The following CDH23 variants were observed in gnomAD, a reference collection of about 807,000 sequenced individuals.
CDH23 encodes cadherin-23.
A neutral mutation model predicts 317.1 loss-of-function variants in CDH23; 189 were observed. The ratio of observed to expected loss-of-function variants is 0.60; its 90% CI spans 0.53 to 0.67. The LOEUF is 0.67. Among genes scored for constraint, CDH23 ranks in the 30% least tolerant of loss-of-function variants. CDH23 has a pLI of 0.00. For missense variants in CDH23, 4,401 were observed against 4,592.4 expected (o/e 0.96, Z 1.20); for synonymous variants, 1,839 against 1,876.8 (o/e 0.98, Z 0.52).
chr10:71,731,350 T>C (rs1564763259), intron 31 of CDH23, among the ~76,000 whole-genome samples: 1 of 152,112 alleles, frequency 6.6e-6, no homozygotes, highest in Non-Finnish European at 1.5e-5. Flanking sequence ...GTGGCATGCA[T>C]GGGATGGGGT....
intron 14 of CDH23, among the ~76,000 whole-genome samples, chr10:71,666,137 G>A (rs529580803): frequency 1.3e-5 from 2 of 152,118 alleles, no homozygotes; most frequent in South Asian, 2.1e-4. Flanking sequence ...TCCCCATCCT[G>A]TCCTCACTGC....
rs1589429417 is a variant in CDH23, at chr10:71,800,626, C to T, written c.7363-10C>T. On this transcript the variant is annotated splice_polypyrimidine_tract_variant and intron_variant, in intron 52 of 69. Transcript: ENST00000224721. ...GATTGAAGGACCTAAAGCCACCCTC[C>T]CCCTACTAGGGTGACATCTATGTGC... 6.2e-7 allele frequency: 1 copy of T among 1,613,490 alleles called. No homozygotes were observed. Among genetic ancestry groups the T allele is most frequent in the South Asian group, 1.1e-5 (1 of 91,002 alleles).
Position 71,732,355 on chromosome 10 carries a change from T to C in CDH23, c.4084T>C (p.Phe1362Leu). 6.4e-7 allele frequency: 1 copy of C among 1,571,954 alleles called. No homozygotes were observed. The highest frequency in any genetic ancestry group is 8.6e-7 in the Non-Finnish European group (1 of 1,158,176). Residue 1362 changes from phenylalanine (F) to leucine (L), a missense_variant, in exon 32 of 70, where the codon TTC becomes CTC. Around this residue, in one of 3 missense-constraint regions of CDH23, gnomAD observed 3,068 missense variants for 3,203.3 expected, o/e 0.96. Coordinates refer to ENST00000224721, the MANE Select transcript of CDH23 (RefSeq NM_022124.6). ...CACCAGCACCCAGGCCAAAGCCCTC[T>C]TCAAGATAGACGCCATCACGGTGAG... ...AYTSTQAKAL[F>L]KIDAITGVIT... is the part of the protein sequence containing the mutation.
chr10:71,705,605 T>A (rs1450991938), intron 25 of CDH23, among the ~76,000 whole-genome samples: 1 of 152,194 alleles, frequency 6.6e-6, no homozygotes, highest in East Asian at 1.9e-4. Flanking sequence ...AGAGAGCAGC[T>A]GGGACTCCCA....
chr10:71,723,785 C>T (rs1014470441), intron 28 of CDH23, among the ~76,000 whole-genome samples: 9 of 152,184 alleles, frequency 5.9e-5, no homozygotes, highest in African/African-American at 1.9e-4. Context: ...CTCCCCCAGC[C>T]TCCCTGCGAA....
intron 55 of CDH23, among the ~76,000 whole-genome samples, chr10:71,803,798 G>A (rs1422648473): frequency 1.2e-4 from 14 of 114,658 alleles, no homozygotes; most frequent in African/African-American, 3.2e-4. Context: ...AGTGAAACCC[G>A]ATCTCTACTA....
At chr10:71,481,976 G>A (rs898162191) in intron 3 of CDH23, among the ~76,000 whole-genome samples, 1 of 152,180 alleles carries the variant, frequency 6.6e-6, no homozygotes, top group African/African-American at 2.4e-5. Flanking sequence ...AAAGGGTGGG[G>A]GGAGTCGGGG....
chr10:71,571,639 C>T (rs957129204), intron 8 of CDH23, among the ~76,000 whole-genome samples: 7 of 152,228 alleles, frequency 4.6e-5, no homozygotes, highest in Non-Finnish European at 8.8e-5. Context: ...CATAACCATT[C>T]GTGCGTCTGT....
chr10:71,692,718 A>G (rs12415789), intron 20 of CDH23, among the ~76,000 whole-genome samples: 5,982 of 152,268 alleles, frequency 0.039, 320 homozygotes, highest in East Asian at 0.26. Context: ...GGGTAGAAGC[A>G]GTCCTAAAAG....
intron 33 of CDH23, 84 bp downstream of exon 33, chr10:71,734,425 C>G: frequency 6.7e-7 from 1 of 1,495,092 alleles, no homozygotes; most frequent in Non-Finnish European, 9.1e-7. Context: ...CGCCAGCCAC[C>G]CAATGTATGG....
chr10:71,481,421 G>T (rs74148316), intron 3 of CDH23, among the ~76,000 whole-genome samples: 31,838 of 152,046 alleles, frequency 0.21, 3,705 homozygotes, highest in South Asian at 0.29. Context: ...ATGGTGGGGG[G>T]AAAGGCAGGA....
chr10:71,812,301 T>C (rs1268931656), intron 66 of CDH23, 179 bp from the exon 67 acceptor site: 12 of 1,598,770 alleles, frequency 7.5e-6, no homozygotes, highest in East Asian at 2.2e-5. Context: ...CATGCGGTCC[T>C]GGTTCCAGCA....
In CDH23 at chr10:71,813,305, G is replaced by A. The variant is rs771985391; in HGVS notation, c.9695G>A (p.Arg3232Gln). The A allele has an allele frequency of 2.8e-5, 44 of 1,551,640 alleles. No individual in the cohort carries two copies. In the Middle Eastern group the frequency reaches 5.0e-4, roughly 18 times the overall value. Residue 3232 changes from arginine (R) to glutamine (Q), a missense_variant, in exon 69 of 70, where the codon CGG becomes CAG. Transcript: ENST00000224721. Reference sequence around the variant, plus strand: ...CGGCTCAAAAAGCTCTTTGCACAGCGGATGGTGCAAAAAGCCTCCTCCTGC... The same window carrying A: ...CGGCTCAAAAAGCTCTTTGCACAGCAGATGGTGCAAAAAGCCTCCTCCTGC... ...YLRLKKLFAQ[R>Q]MVQKASSCHS...
At chr10:71,688,450 GGGATGGTGGAATAA>G (rs1304030069) in intron 19 of CDH23, among the ~76,000 whole-genome samples, 15 of 152,268 alleles carry the variant, frequency 9.9e-5, no homozygotes, top group African/African-American at 3.1e-4. Context: ...GGTAGAGCCA[GGGATGGTGGAATAA>G]GGATGGTGGA....
At chr10:71,610,885 T>C (rs1440492204) in intron 9 of CDH23, among the ~76,000 whole-genome samples, 1 of 152,132 alleles carries the variant, frequency 6.6e-6, no homozygotes, top group African/African-American at 2.4e-5. Flanking sequence ...AATCACCAGT[T>C]CCCAGAATCC....
intron 19 of CDH23, among the ~76,000 whole-genome samples, chr10:71,688,582 CAGG>C: frequency 2.1e-5 from 3 of 141,730 alleles, no homozygotes; most frequent in Admixed American, 7.0e-5. Flanking sequence ...GTTGTGGAGT[CAGG>C]GGTGGTGGAG....
chr10:71,811,619 G>A (rs2133002518), intron 64 of CDH23, 29 bp downstream of exon 64: 1 of 1,613,792 alleles, frequency 6.2e-7, no homozygotes, highest in African/African-American at 1.3e-5. Flanking sequence ...TGCCATCAGG[G>A]GGCCGACCAC....
In CDH23 at chr10:71,725,374, A is replaced by T; in HGVS notation, c.3433A>T (p.Asn1145Tyr). The change falls in exon 30 of 70, where the codon AAC becomes TAC. Residue 1145 changes from asparagine to tyrosine, a missense_variant and splice_region_variant. Asn to Tyr is a moderately radical substitution (Grantham distance 143). Around this residue, in one of 3 missense-constraint regions of CDH23, gnomAD observed 3,068 missense variants for 3,203.3 expected, o/e 0.96. Transcript: ENST00000224721. The stretch of plus-strand genomic sequence containing the variant: ...AGGGGGTCTGTCCCTCCACACAGGT[A>T]ACCATGGCAACAACTTCCGGATCCA... ...GRVWYRILHG[N>Y]HGNNFRIHVS... 1 of 1,613,956 alleles carries T rather than the reference A, an allele frequency of 6.2e-7. No individual in the cohort carries two copies. Among genetic ancestry groups the T allele is most frequent in the Non-Finnish European group, 8.5e-7 (1 of 1,179,872 alleles).
chr10:71,446,338 T>C lies in CDH23; in HGVS notation c.88T>C (p.Phe30Leu). Residue 30 changes from phenylalanine (F) to leucine (L), a missense_variant, in exon 3 of 70, where the codon TTC becomes CTC. Phe to Leu is a conservative substitution (Grantham distance 22). This residue lies in a region of CDH23 where 3,068 missense variants were observed against 3,203.3 expected (regional missense o/e 0.96). Coordinates refer to ENST00000224721, the MANE Select transcript of CDH23 (RefSeq NM_022124.6). ...GCWGQVNRLP[F>L]FTNHFFDTYL... The stretch of plus-strand genomic sequence containing the variant: ...TCCAGGCCAGGTGAACCGGCTGCCC[T>C]TCTTCACCAACCACTTCTTTGATAC... The C allele has an allele frequency of 6.2e-7, 1 of 1,614,034 alleles. No homozygotes were observed. The highest frequency in any genetic ancestry group is 8.5e-7 in the Non-Finnish European group (1 of 1,179,882).
Sources: allele counts gnomAD v4.1 joint callset (sites outside exome capture counted in the v4.1 genomes callset), GRCh38; gene constraint gnomAD v4.1.1; regional missense constraint gnomAD v4.1.1; transcripts MANE v1.5; gene names NCBI Gene and HGNC (gene_info 2026-07-23, HGNC 2026-07-21).